The following FCRL5 variants were observed in gnomAD, a reference collection of about 807,000 sequenced individuals.
FCRL5 encodes the protein Fc receptor-like protein 5.
Under a neutral mutation model 92.1 loss-of-function variants are expected in FCRL5, and 79 were observed. The observed-to-expected ratio is 0.86, with a 90% CI of 0.72 to 1.03. The LOEUF is 1.03. Ranked by LOEUF, FCRL5 falls within the 50% of genes least tolerant of loss-of-function variation. The pLI is 0.00. For synonymous variants in FCRL5, 466 were observed against 469.3 expected, an observed-to-expected ratio of 0.99 and a Z score of 0.09; for missense variants, 1,160 against 1,181.1, an observed-to-expected ratio of 0.98 and a Z score of 0.26.
chr1:157,529,570 G>C (rs1381598389), intron 8 of FCRL5, among the ~76,000 whole-genome samples: 2 of 146,234 alleles, frequency 1.4e-5, no homozygotes, highest in Non-Finnish European at 3.0e-5. Flanking sequence ...TTAAGGGGTG[G>C]ATAAAGAAAA....
chr1:157,527,982 A>G (rs1002057162), intron 8 of FCRL5, 87 bp from the exon 9 acceptor site: 6 of 1,401,784 alleles, frequency 4.3e-6, no homozygotes, highest in Non-Finnish European at 5.7e-6. Flanking sequence ...GACAAGAGAA[A>G]GAAATAAAGG....
Position 157,515,764 on chromosome 1 carries a change from C to A in FCRL5, c.2845G>T (p.Gly949Cys). Residue 949 changes from glycine to cysteine, a missense_variant and splice_region_variant, in exon 17 of 17, where the codon GGT becomes TGT. Transcript: ENST00000361835. ...ACTTCAGAGTAGATGATAGGGGAAC[C>A]CTAGGAGGCAAGAGCACATGCGTGA... ...ASDPRHLRNK[G>C]SPIIYSEVKV... 1 of 1,613,928 alleles carries A rather than the reference C, an allele frequency of 6.2e-7. No individual in the cohort carries two copies. The highest frequency in any genetic ancestry group is 8.5e-7 in the Non-Finnish European group (1 of 1,179,922).
chr1:157,517,935 C>T (rs540856840), intron 15 of FCRL5, among the ~76,000 whole-genome samples: 1 of 149,258 alleles, frequency 6.7e-6, no homozygotes, highest in South Asian at 2.1e-4. Flanking sequence ...CTCCCTCTCT[C>T]TCTGCTGTGT....
rs955612609 is a variant in FCRL5, at chr1:157,513,730, A to G, written c.*1945T>C. 2.8e-5 allele frequency: 4 copies of G among 140,748 alleles called. No individual in the cohort carries two copies. Among genetic ancestry groups the G allele is most frequent in the African/African-American group, 1.3e-4 (4 of 30,502 alleles). 8.7% of individuals were successfully genotyped at this position (140,748 alleles called of 1,614,324 possible). Reference sequence around the variant, plus strand: ...TGGGATGGGGGTACCTTACTCTCCCAATGAGAAATTCTAAATTTCCTCTTT... The same window carrying G: ...TGGGATGGGGGTACCTTACTCTCCCGATGAGAAATTCTAAATTTCCTCTTT... On this transcript the variant is annotated 3_prime_UTR_variant, in exon 17 of 17. Coordinates refer to ENST00000361835, the MANE Select transcript of FCRL5 (RefSeq NM_031281.3).
Position 157,552,393 on chromosome 1 carries a change from A to G in FCRL5, c.-31T>C. Reference sequence around the variant, plus strand: ...CCTGGACCACCAAGGGCTGAGATCAAAAGAGAAGTTTCCTCAATTCCAAAA... The same window carrying G: ...CCTGGACCACCAAGGGCTGAGATCAGAAGAGAAGTTTCCTCAATTCCAAAA... On this transcript the variant is annotated 5_prime_UTR_variant, in exon 1 of 17. Transcript: ENST00000361835. 2 of 1,613,870 alleles carry G rather than the reference A, an allele frequency of 1.2e-6. No individual in the cohort carries two copies. Among genetic ancestry groups the G allele is most frequent in the Non-Finnish European group, 1.7e-6 (2 of 1,179,786 alleles).
At position 157,546,200 on chromosome 1, in the gene FCRL5, C is replaced by T. The variant is rs115942842; in HGVS notation, c.307+743G>A. ...CAGTGGCTCATACCTGTAATCCCAG[C>T]GCTTTGAGAGGCCTAGGTGAGCAGA... On this transcript the variant is annotated intron_variant, in intron 3 of 16. Transcript: ENST00000361835. The T allele has an allele frequency of 5.5e-3, 2,434 of 440,160 alleles. 49 individuals are homozygous for T. Among genetic ancestry groups the T allele is most frequent in the African/African-American group, 0.045 (2,234 of 49,366 alleles). The allele number at this position is 440,160 out of a possible 1,614,324, so 27.3% of individuals were successfully genotyped here.
intron 1 of FCRL5, among the ~76,000 whole-genome samples, chr1:157,552,038 A>G (rs563031542): frequency 6.6e-6 from 1 of 152,338 alleles, no homozygotes; most frequent in African/African-American, 2.4e-5. Context: ...CAAACATGAA[A>G]CATTCTCTGG....
chr1:157,534,670 G>C lies in FCRL5; in HGVS notation c.1625C>G (p.Thr542Arg). 6.2e-7 allele frequency: 1 copy of C among 1,614,084 alleles called. No homozygotes were observed. ...TEGHSGNYYC[T>R]ADNGFGPQRS... ...CTGGGGACCAAAGCCATTGTCAGCTGTGCAGTAGTAATTCCCTGAATGTCC... is the reference window on the plus strand; with the variant it reads ...CTGGGGACCAAAGCCATTGTCAGCTCTGCAGTAGTAATTCCCTGAATGTCC... Residue 542 changes from threonine to arginine, a missense_variant, in exon 8 of 17, where the codon ACA (threonine) becomes AGA (arginine). Coordinates refer to ENST00000361835, the MANE Select transcript of FCRL5 (RefSeq NM_031281.3).
intron 1 of FCRL5, among the ~76,000 whole-genome samples, chr1:157,551,446 A>G (rs1458060704): frequency 2.0e-5 from 3 of 152,334 alleles, no homozygotes; most frequent in South Asian, 4.1e-4. Flanking sequence ...TGAAGTCTTT[A>G]CTAGCTATTT....
chr1:157,547,066 G>A lies in FCRL5; in HGVS notation c.184C>T (p.Leu62Phe). 1 of 1,614,152 alleles carries A rather than the reference G, an allele frequency of 6.2e-7. No individual in the cohort carries two copies. Residue 62 changes from leucine (L) to phenylalanine (F), a missense_variant, in exon 3 of 17, where the codon CTT becomes TTT. Transcript: ENST00000361835. Reference sequence around the variant, plus strand: ...GTTTCTCTTAGTATTTCTTTCCCAAGGTACCGATGGTACCATTTTGTTTTC... The same window carrying A: ...GTTTCTCTTAGTATTTCTTTCCCAAAGTACCGATGGTACCATTTTGTTTTC... Reference protein sequence around the residue: ...PQKTKWYHRYLGKEILRETPD... With the variant: ...PQKTKWYHRYFGKEILRETPD...
At chr1:157,530,910 GTTC>G (rs1217365325) in intron 8 of FCRL5, among the ~76,000 whole-genome samples, 1 of 152,184 alleles carries the variant, frequency 6.6e-6, no homozygotes, top group African/African-American at 2.4e-5. Flanking sequence ...ATGTCAAATT[GTTC>G]TTCTAAAAGA....
At chr1:157,536,316 C>T (rs1372186363) in intron 7 of FCRL5, among the ~76,000 whole-genome samples, 1 of 152,170 alleles carries the variant, frequency 6.6e-6, no homozygotes, top group Non-Finnish European at 1.5e-5. Flanking sequence ...CTGCTTAGAA[C>T]ATGTTCTACC....
intron 7 of FCRL5, among the ~76,000 whole-genome samples, chr1:157,537,749 C>T (rs1571098996): frequency 6.6e-6 from 1 of 152,130 alleles, no homozygotes; most frequent in Non-Finnish European, 1.5e-5. Flanking sequence ...TGTACTCTGT[C>T]CCTTTATTTC....
chr1:157,527,105 A>T (rs140109053), intron 9 of FCRL5, among the ~76,000 whole-genome samples: 3 of 152,310 alleles, frequency 2.0e-5, no homozygotes, highest in African/African-American at 4.8e-5. Context: ...TGAATGGAAC[A>T]GGAGCAGGTA....
At chr1:157,546,881 G>A in intron 3 of FCRL5, 62 bp downstream of exon 3, 3 of 1,571,426 alleles carry the variant, frequency 1.9e-6, no homozygotes, top group Non-Finnish European at 2.6e-6. Context: ...AGTAATAACA[G>A]CTAGAGAGAA....
At chr1:157,534,961 T>G in intron 7 of FCRL5, 69 bp from the exon 8 acceptor site, 1 of 1,427,076 alleles carries the variant, frequency 7.0e-7, no homozygotes, top group Non-Finnish European at 9.4e-7. Flanking sequence ...ACTTGGCCAG[T>G]GCAGATGCCC....
At chr1:157,551,337 A>C (rs1186645582) in intron 1 of FCRL5, among the ~76,000 whole-genome samples, 3 of 152,322 alleles carry the variant, frequency 2.0e-5, no homozygotes, top group South Asian at 4.1e-4. Context: ...CTACTTCAGG[A>C]ATTATAGTCC....
intron 6 of FCRL5, chr1:157,542,519 T>G (rs1651314251): frequency 4.0e-6 from 1 of 249,894 alleles, no homozygotes; most frequent in Admixed American, 4.9e-5. Context: ...AAATTGAGTC[T>G]GTGTCTACTG....
At chr1:157,534,094 G>C (rs1650823057) in intron 8 of FCRL5, 1 of 265,674 alleles carries the variant, frequency 3.8e-6, no homozygotes, top group Admixed American at 4.6e-5. Flanking sequence ...ACAATAAAAT[G>C]ATACTGATTT....
Sources: allele counts gnomAD v4.1 joint callset (sites outside exome capture counted in the v4.1 genomes callset), GRCh38; gene constraint gnomAD v4.1.1; transcripts MANE v1.5; gene names NCBI Gene and HGNC (gene_info 2026-07-23, HGNC 2026-07-21).